The following SUPT3H variants were observed in gnomAD, a reference collection of about 807,000 sequenced individuals.
SUPT3H encodes the protein SPT3 homolog, SAGA and STAGA complex component, also known as transcription initiation protein SPT3 homolog.
In SUPT3H, 44 loss-of-function variants were observed where a neutral mutation model predicts 44.3. The ratio of observed to expected loss-of-function variants is 0.99; its 90% CI spans 0.78 to 1.28. SUPT3H has a LOEUF of 1.28. Ranked by LOEUF, SUPT3H falls within the 50% of genes most tolerant of loss-of-function variation. The pLI, the probability that SUPT3H is intolerant of heterozygous loss-of-function variation, is 0.00. For missense variants in SUPT3H, 380 were observed against 387.1 expected (o/e 0.98, Z 0.15); for synonymous variants, 124 against 125.6 (o/e 0.99, Z 0.09).
rs9395085 is a variant in SUPT3H at position 45,254,553 on chromosome 6, T to C, written c.101+110648A>G. Reference sequence around the variant, plus strand: ...TGCAGAAGTTCAGAAAAAGTGACAGTTTTATTGTTCTGATAAGGAATAAAT... The same window carrying C: ...TGCAGAAGTTCAGAAAAAGTGACAGCTTTATTGTTCTGATAAGGAATAAAT... On this transcript the variant is annotated intron_variant, in intron 2 of 10. Coordinates refer to ENST00000371459, the MANE Select transcript of SUPT3H (RefSeq NM_003599.4). 4.5e-4 allele frequency among the ~76,000 whole-genome samples: 68 copies of C among 152,298 alleles called. 1 individual carries two copies. In the East Asian group the frequency reaches 0.013, roughly 29 times the overall value.
chr6:44,892,062 A>T (rs2153442285), intron 10 of SUPT3H, among the ~76,000 whole-genome samples: 1 of 152,212 alleles, frequency 6.6e-6, no homozygotes, highest in East Asian at 1.9e-4. Context: ...TTTTAATCTA[A>T]AAAAGGAAGA....
At chr6:44,923,584 A>G (rs1769065936) in intron 10 of SUPT3H, among the ~76,000 whole-genome samples, 1 of 152,132 alleles carries the variant, frequency 6.6e-6, no homozygotes, top group African/African-American at 2.4e-5. Flanking sequence ...TGCTGAACTA[A>G]ATTTCAGGTG....
chr6:44,898,461 T>C (rs1190440341), intron 10 of SUPT3H, among the ~76,000 whole-genome samples: 1 of 152,166 alleles, frequency 6.6e-6, no homozygotes, highest in African/African-American at 2.4e-5. Context: ...ATCAGCTACG[T>C]AACAAATCAG....
At chr6:44,932,789 T>C (rs1208831305) in intron 9 of SUPT3H, 26 bp from the exon 10 acceptor site, 2 of 1,494,060 alleles carry the variant, frequency 1.3e-6, no homozygotes, top group Admixed American at 2.0e-5. Context: ...ACATAAATTG[T>C]TACTAAATCA....
chr6:44,883,267 C>T (rs774525942), intron 10 of SUPT3H, among the ~76,000 whole-genome samples: 4 of 152,138 alleles, frequency 2.6e-5, no homozygotes, highest in Middle Eastern at 3.2e-3. Flanking sequence ...AGTGAACTCC[C>T]ATTCACAATT....
At chr6:45,023,891 C>A (rs185743302) in intron 3 of SUPT3H, among the ~76,000 whole-genome samples, 1 of 151,968 alleles carries the variant, frequency 6.6e-6, no homozygotes, top group Non-Finnish European at 1.5e-5. Flanking sequence ...TCACATGTAC[C>A]CCTGAACCTA....
intron 6 of SUPT3H, among the ~76,000 whole-genome samples, chr6:44,989,129 T>C (rs1183950077): frequency 3.9e-5 from 6 of 152,090 alleles, no homozygotes; most frequent in Non-Finnish European, 7.4e-5. Flanking sequence ...TTTAAAAATA[T>C]CTGATGAGTT....
At chr6:45,113,914 C>G (rs1006109705) in intron 2 of SUPT3H, among the ~76,000 whole-genome samples, 9 of 151,318 alleles carry the variant, frequency 5.9e-5, no homozygotes, top group African/African-American at 1.7e-4. Flanking sequence ...TGCTTGATTT[C>G]TCAACAACCA....
chr6:45,194,093 C>T (rs909977874), intron 2 of SUPT3H, among the ~76,000 whole-genome samples: 5 of 152,114 alleles, frequency 3.3e-5, no homozygotes, highest in Admixed American at 1.3e-4. Flanking sequence ...GGCCTTTACA[C>T]GGTCTATGTG....
At chr6:45,149,667 A>T (rs571158677) in intron 2 of SUPT3H, among the ~76,000 whole-genome samples, 1 of 152,306 alleles carries the variant, frequency 6.6e-6, no homozygotes, top group African/African-American at 2.4e-5. Context: ...ATGTAGTATA[A>T]ACCAGGAATC....
At chr6:44,867,735 C>T (rs1215595672) in intron 10 of SUPT3H, among the ~76,000 whole-genome samples, 1 of 152,134 alleles carries the variant, frequency 6.6e-6, no homozygotes, top group East Asian at 1.9e-4. Context: ...GCCTCTTTAC[C>T]TAAGTGCACA....
chr6:44,975,723 T>TG (rs1162959001), intron 6 of SUPT3H, among the ~76,000 whole-genome samples: 47 of 152,118 alleles, frequency 3.1e-4, no homozygotes, highest in Non-Finnish European at 5.9e-5. Flanking sequence ...CAAACACTAT[T>TG]GGGAAAAAAA....
intron 2 of SUPT3H, chr6:45,322,799 T>C (rs1474547387): frequency 5.9e-6 from 6 of 1,022,670 alleles, no homozygotes; most frequent in Non-Finnish European, 7.8e-6. Context: ...GTCTCGCCCA[T>C]ATATTTTGGC....
At position 45,128,555 on chromosome 6, in the gene SUPT3H, TATACACACACAC is replaced by T. The variant is rs1338006995; in HGVS notation, c.102-22561_102-22550del. 1.8e-3 allele frequency among the ~76,000 whole-genome samples: 105 copies of T among 58,268 alleles called. 1 individual carries two copies. Among genetic ancestry groups the T allele is most frequent in the African/African-American group, 7.2e-3 (94 of 13,082 alleles). 38.2% of individuals were successfully genotyped at this position (58,268 alleles called of 152,430 possible). On this transcript the variant is annotated intron_variant, in intron 2 of 10. Coordinates refer to ENST00000371459, the MANE Select transcript of SUPT3H (RefSeq NM_003599.4). ...AAAAATATATATATATATATATATA[TATACACACACAC>T]ACACACACACACACACATACACATA...
intron 2 of SUPT3H, among the ~76,000 whole-genome samples, chr6:45,356,323 CACACACATAT>C (rs1395760032): frequency 6.6e-6 from 1 of 152,108 alleles, no homozygotes; most frequent in Non-Finnish European, 1.5e-5. Flanking sequence ...ATTAAAAACA[CACACACATAT>C]ACACACATAT....
intron 2 of SUPT3H, among the ~76,000 whole-genome samples, chr6:45,192,488 GT>G (rs1309050373): frequency 6.6e-6 from 1 of 152,224 alleles, no homozygotes; most frequent in East Asian, 1.9e-4. Flanking sequence ...TTAATTTTAT[GT>G]TTTTAAAGAG....
intron 2 of SUPT3H, among the ~76,000 whole-genome samples, chr6:45,279,901 C>G (rs1403621749): frequency 6.6e-6 from 1 of 152,038 alleles, no homozygotes; most frequent in South Asian, 2.1e-4. Flanking sequence ...TTTAACATAA[C>G]CAAAACTTAA....
intron 2 of SUPT3H, among the ~76,000 whole-genome samples, chr6:45,281,184 A>C (rs1777984516): frequency 6.6e-6 from 1 of 152,204 alleles, no homozygotes; most frequent in Non-Finnish European, 1.5e-5. Context: ...AAGACGGGTG[A>C]TTTCTGCATT....
rs375015707 is a variant in SUPT3H at position 44,954,481 on chromosome 6, A to G, written c.693+14T>C. 4.4e-6 allele frequency: 7 copies of G among 1,583,910 alleles called. No homozygotes were observed. The African/African-American group carries it at 8.1e-5, about 18-fold the overall frequency. On this transcript the variant is annotated intron_variant, in intron 8 of 10. Coordinates refer to ENST00000371459, the MANE Select transcript of SUPT3H (RefSeq NM_003599.4). ...CAGCCAGTGTGGCCCGATATGACAG[A>G]TTAGAATTCTTACCTGTGCCACAGT...
Sources: allele counts gnomAD v4.1 joint callset (sites outside exome capture counted in the v4.1 genomes callset), GRCh38; gene constraint gnomAD v4.1.1; transcripts MANE v1.5; gene names NCBI Gene and HGNC (gene_info 2026-07-23, HGNC 2026-07-21).